Variants in EEFSEC observed in about 807,000 individuals in gnomAD.
The protein encoded by EEFSEC is eukaryotic elongation factor, selenocysteine-tRNA specific.
Under a neutral mutation model 42.1 loss-of-function variants are expected in EEFSEC, and 43 were observed. The ratio of observed to expected loss-of-function variants is 1.02; its 90% CI spans 0.80 to 1.32. EEFSEC has a LOEUF of 1.32. EEFSEC is among the 40% of genes most tolerant of loss of function. The probability of loss-of-function intolerance (pLI) is 0.00; values close to 1 mark genes in which losing one functional copy is unlikely to be tolerated. For missense variants in EEFSEC, 745 were observed against 803.6 expected (o/e 0.93, Z 0.88); for synonymous variants, 354 against 339.1 (o/e 1.04, Z -0.48).
intron 1 of EEFSEC, among the ~76,000 whole-genome samples, chr3:128,192,086 A>T (rs1410847288): frequency 6.6e-6 from 1 of 152,156 alleles, no homozygotes; most frequent in African/African-American, 2.4e-5. Flanking sequence ...AATATTAAGT[A>T]ATATTGTGTG....
At chr3:128,282,549 A>G (rs1393683344) in intron 4 of EEFSEC, among the ~76,000 whole-genome samples, 1 of 152,260 alleles carries the variant, frequency 6.6e-6, no homozygotes, top group Non-Finnish European at 1.5e-5. Flanking sequence ...GGACACGTGC[A>G]CATGTGCACA....
chr3:128,215,641 A>G (rs2065803589), intron 1 of EEFSEC, among the ~76,000 whole-genome samples: 1 of 152,204 alleles, frequency 6.6e-6, no homozygotes, highest in African/African-American at 2.4e-5. Context: ...ATAAAGGACA[A>G]AAATCCACCC....
chr3:128,275,760 C>T (rs1299958445), intron 4 of EEFSEC, among the ~76,000 whole-genome samples: 3 of 152,182 alleles, frequency 2.0e-5, no homozygotes, highest in Non-Finnish European at 4.4e-5. Context: ...GAGTGTCTGG[C>T]ATGACTGAGG....
intron 5 of EEFSEC, among the ~76,000 whole-genome samples, chr3:128,342,346 T>A: frequency 6.6e-6 from 1 of 152,264 alleles, no homozygotes; most frequent in East Asian, 1.9e-4. Flanking sequence ...AAGCTGCTTA[T>A]GTCCAGAGGG....
intron 1 of EEFSEC, among the ~76,000 whole-genome samples, chr3:128,210,309 T>A (rs551627791): frequency 1.1e-4 from 16 of 152,234 alleles, no homozygotes; most frequent in Non-Finnish European, 1.5e-4. Flanking sequence ...AGAGGCAGAT[T>A]GAGTAGTTGG....
intron 5 of EEFSEC, among the ~76,000 whole-genome samples, chr3:128,350,375 G>A (rs559512205): frequency 6.6e-6 from 1 of 152,342 alleles, no homozygotes; most frequent in East Asian, 1.9e-4. Flanking sequence ...CCATGCTGTG[G>A]TCTAGCTGGC....
At chr3:128,213,776 A>G (rs1347867131) in intron 1 of EEFSEC, among the ~76,000 whole-genome samples, 1 of 152,224 alleles carries the variant, frequency 6.6e-6, no homozygotes, top group Non-Finnish European at 1.5e-5. Flanking sequence ...TGTACTTTTT[A>G]TGGAAGTTTT....
At chr3:128,286,045 T>C (rs796379986) in intron 4 of EEFSEC, among the ~76,000 whole-genome samples, 7 of 152,356 alleles carry the variant, frequency 4.6e-5, no homozygotes, top group African/African-American at 1.7e-4. Context: ...TTGCTCTGTC[T>C]TGTAGATAAA....
chr3:128,213,140 A>C (rs2065776284), intron 1 of EEFSEC, among the ~76,000 whole-genome samples: 1 of 152,210 alleles, frequency 6.6e-6, no homozygotes, highest in Non-Finnish European at 1.5e-5. Context: ...GAGGGAGAGC[A>C]AGGACGCTAG....
chr3:128,210,015 G>T (rs1034469769), intron 1 of EEFSEC, among the ~76,000 whole-genome samples: 13 of 152,196 alleles, frequency 8.5e-5, no homozygotes, highest in African/African-American at 3.1e-4. Flanking sequence ...ACCTTTCTTT[G>T]CTTTAGAAAG....
At chr3:128,242,243 C>G (rs540512060) in intron 1 of EEFSEC, among the ~76,000 whole-genome samples, 1 of 152,052 alleles carries the variant, frequency 6.6e-6, no homozygotes, top group Non-Finnish European at 1.5e-5. Flanking sequence ...CGTTTGAGCC[C>G]AGGAATTCAA....
chr3:128,203,145 T>G (rs1358277962), intron 1 of EEFSEC, among the ~76,000 whole-genome samples: 1 of 152,198 alleles, frequency 6.6e-6, no homozygotes, highest in Admixed American at 6.5e-5. Flanking sequence ...TATAAATGAA[T>G]GGTTACACCC....
intron 4 of EEFSEC, among the ~76,000 whole-genome samples, chr3:128,294,504 T>C (rs1262740813): frequency 1.3e-5 from 2 of 152,064 alleles, no homozygotes; most frequent in African/African-American, 4.8e-5. Flanking sequence ...GTTTCAGAAG[T>C]TGTGCCAAGT....
At chr3:128,306,946 C>T (rs991211132) in intron 4 of EEFSEC, among the ~76,000 whole-genome samples, 3 of 152,236 alleles carry the variant, frequency 2.0e-5, no homozygotes, top group Non-Finnish European at 4.4e-5. Flanking sequence ...GGTCACCCTG[C>T]GTGAAATGGT....
chr3:128,184,856 A>G (rs2065448875), intron 1 of EEFSEC, among the ~76,000 whole-genome samples: 1 of 152,138 alleles, frequency 6.6e-6, no homozygotes, highest in Non-Finnish European at 1.5e-5. Flanking sequence ...TGTATTTTGC[A>G]CCTTACCCAG....
At position 128,184,499 on chromosome 3, in the gene EEFSEC, ATTTCC is replaced by A. The variant is rs143786772; in HGVS notation, c.316+30680_316+30684del. Among the ~76,000 whole-genome samples, 134 of 152,270 alleles carry A rather than the reference ATTTCC, an allele frequency of 8.8e-4. 1 individual carries two copies. The highest frequency in any genetic ancestry group is 3.1e-3 in the African/African-American group (130 of 41,544). On this transcript the variant is annotated intron_variant, in intron 1 of 6. Transcript: ENST00000254730. The stretch of plus-strand genomic sequence containing the variant: ...CATACATGTTGTAGCATGTGTCAGA[ATTTCC>A]TTTTTTAAGGCTGAATAATATTCCT...
intron 4 of EEFSEC, among the ~76,000 whole-genome samples, chr3:128,323,212 C>T (rs2067026865): frequency 6.6e-6 from 1 of 152,170 alleles, no homozygotes; most frequent in Admixed American, 6.5e-5. Context: ...ACCAGGAAAA[C>T]ACTTGTCAGC....
intron 4 of EEFSEC, among the ~76,000 whole-genome samples, chr3:128,267,661 G>T (rs966084635): frequency 1.3e-5 from 2 of 152,212 alleles, no homozygotes; most frequent in Non-Finnish European, 2.9e-5. Context: ...GATTGCAAAG[G>T]ATGTTAAGAT....
In EEFSEC at chr3:128,341,580, GTACC is replaced by G. The variant is rs1381590004; in HGVS notation, c.1136_1139del (p.Tyr379CysfsTer5). On this transcript the variant is annotated frameshift_variant, in exon 5 of 7. Transcript: ENST00000254730. LOFTEE classifies it high-confidence loss of function. ...CTCAAGAATACCTTTTCCAGGAGCA[GTACC>G]TGTCCAAGGATTTGACACCAGCAGT... The G allele has an allele frequency of 1.3e-5, 21 of 1,613,942 alleles. No homozygotes were observed. The highest frequency in any genetic ancestry group is 1.8e-5 in the Non-Finnish European group (21 of 1,180,044).
Sources: allele counts gnomAD v4.1 joint callset (sites outside exome capture counted in the v4.1 genomes callset), GRCh38; gene constraint gnomAD v4.1.1; transcripts MANE v1.5; gene names NCBI Gene and HGNC (gene_info 2026-07-23, HGNC 2026-07-21).